APBB2: variants seen among roughly 807,000 people sequenced by gnomAD.
APBB2 encodes the protein Fe65-like 1.
APBB2 carries 38 observed loss-of-function variants against 82.5 expected under a neutral mutation model. That is an observed-to-expected ratio of 0.46 (90% CI 0.36 to 0.60). The LOEUF is 0.60. APBB2 is among the 20% of genes least tolerant of loss of function. The pLI is 0.00. For synonymous variants in APBB2, 341 were observed against 368.2 expected (o/e 0.93, Z 0.85); for missense variants, 772 against 972.3 (o/e 0.79, Z 2.74).
chr4:41,062,102 T>C (rs1392656137), intron 4 of APBB2, among the ~76,000 whole-genome samples: 1 of 152,220 alleles, frequency 6.6e-6, no homozygotes, highest in Non-Finnish European at 1.5e-5. Flanking sequence ...TTAACATTTC[T>C]TTCTGCTATG....
intron 6 of APBB2, among the ~76,000 whole-genome samples, chr4:40,994,576 G>A (rs1347462561): frequency 6.6e-6 from 1 of 152,094 alleles, no homozygotes; most frequent in Admixed American, 6.5e-5. Context: ...CACTTTGGGA[G>A]GGTGAGGTGG....
chr4:40,929,925 G>A (rs1369904084), intron 10 of APBB2, among the ~76,000 whole-genome samples: 2 of 152,112 alleles, frequency 1.3e-5, no homozygotes, highest in African/African-American at 4.8e-5. Context: ...CTCCTCCTAT[G>A]GATACTGGTG....
At position 40,877,412 on chromosome 4, in the gene APBB2, C is replaced by T. The variant is rs115964419; in HGVS notation, c.1529+12952G>A. ...TGCTGTTTATGGACTTAGGGGATGACGTGTGCCCTCTCATCCTTGTTCCCA... is the reference window on the plus strand; with the variant it reads ...TGCTGTTTATGGACTTAGGGGATGATGTGTGCCCTCTCATCCTTGTTCCCA... On this transcript the variant is annotated intron_variant, in intron 12 of 17. Transcript: ENST00000508593. 3.8e-3 allele frequency among the ~76,000 whole-genome samples: 586 copies of T among 152,226 alleles called. 3 individuals carry two copies. The highest frequency in any genetic ancestry group is 0.013 in the African/African-American group (558 of 41,526).
chr4:41,200,686 T>C (rs943542680), intron 1 of APBB2, among the ~76,000 whole-genome samples: 4 of 152,152 alleles, frequency 2.6e-5, no homozygotes, highest in Non-Finnish European at 5.9e-5. Context: ...TGTCACTCTA[T>C]AGAGCATGTA....
intron 2 of APBB2, among the ~76,000 whole-genome samples, chr4:41,124,410 G>A (rs764455522): frequency 7.9e-5 from 12 of 152,064 alleles, no homozygotes; most frequent in Non-Finnish European, 1.6e-4. Context: ...AGTAGAGACC[G>A]TGTTAGCCAG....
chr4:40,899,129 T>A (rs1774546870), intron 10 of APBB2, among the ~76,000 whole-genome samples: 1 of 152,230 alleles, frequency 6.6e-6, no homozygotes, highest in African/African-American at 2.4e-5. Flanking sequence ...GTGAGTTAGT[T>A]AACCTGTCTG....
At chr4:41,071,660 G>A (rs185370048) in intron 3 of APBB2, among the ~76,000 whole-genome samples, 1 of 152,104 alleles carries the variant, frequency 6.6e-6, no homozygotes, top group African/African-American at 2.4e-5. Flanking sequence ...CAGCCTGGGT[G>A]ACAGAGCGAG....
intron 1 of APBB2, among the ~76,000 whole-genome samples, chr4:41,191,068 TCACA>T (rs952438782): frequency 1.6e-4 from 25 of 152,124 alleles, no homozygotes; most frequent in African/African-American, 5.8e-4. Flanking sequence ...CGGAGTCAGG[TCACA>T]CCCAAGAGGT....
chr4:40,910,682 T>A (rs1778310809), intron 10 of APBB2, among the ~76,000 whole-genome samples: 1 of 152,252 alleles, frequency 6.6e-6, no homozygotes, highest in East Asian at 1.9e-4. Flanking sequence ...GCCCCGGATG[T>A]GCCACATGCT....
At chr4:41,191,982 AT>A (rs1413655835) in intron 1 of APBB2, among the ~76,000 whole-genome samples, 5 of 152,194 alleles carry the variant, frequency 3.3e-5, no homozygotes, top group Admixed American at 3.3e-4. Context: ...CTGGATAGAC[AT>A]TTTTCCTAAA....
intron 6 of APBB2, among the ~76,000 whole-genome samples, chr4:40,960,446 GGTTTTTTTTTT>G (rs1169350772): frequency 1.7e-5 from 2 of 120,544 alleles, no homozygotes; most frequent in Admixed American, 1.9e-4. Flanking sequence ...TTTTTTTTCG[GGTTTTTTTTTT>G]TTTTTTTTGA....
At chr4:40,908,380 T>C (rs1400254191) in intron 10 of APBB2, among the ~76,000 whole-genome samples, 2 of 152,138 alleles carry the variant, frequency 1.3e-5, no homozygotes, top group African/African-American at 4.8e-5. Context: ...CATGAGCATA[T>C]GGCAGAGCTG....
In APBB2 at chr4:40,938,066, C is replaced by T. The variant is rs116082789; in HGVS notation, c.1045-2927G>A. 4.7e-3 allele frequency among the ~76,000 whole-genome samples: 714 copies of T among 152,318 alleles called. 10 individuals are homozygous for T. The highest frequency in any genetic ancestry group is 0.016 in the African/African-American group (684 of 41,568). ...CAATATGCCTCAGGTAAGACAAACA[C>T]AAAGATGGGGAAAGAGGTGGTAACG... On this transcript the variant is annotated intron_variant, in intron 7 of 17. Transcript: ENST00000508593.
chr4:40,958,094 C>T (rs1792162628), intron 6 of APBB2, among the ~76,000 whole-genome samples: 1 of 152,150 alleles, frequency 6.6e-6, no homozygotes. Context: ...AAATATTCAA[C>T]CATCCATCGG....
intron 1 of APBB2, among the ~76,000 whole-genome samples, chr4:41,194,840 T>C: frequency 6.6e-6 from 1 of 152,080 alleles, no homozygotes; most frequent in African/African-American, 2.4e-5. Flanking sequence ...CACTCACTCG[T>C]TTTTCTTTTT....
At chr4:41,120,229 C>T (rs1353976361) in intron 2 of APBB2, among the ~76,000 whole-genome samples, 1 of 152,168 alleles carries the variant, frequency 6.6e-6, no homozygotes, top group Non-Finnish European at 1.5e-5. Context: ...TCTTGTCATC[C>T]ATGGAGGTTC....
chr4:40,943,944 C>T (rs1378916720), intron 7 of APBB2, among the ~76,000 whole-genome samples: 2 of 152,224 alleles, frequency 1.3e-5, no homozygotes, highest in Non-Finnish European at 2.9e-5. Context: ...CAGAGAAGAA[C>T]AAGTACATAA....
intron 6 of APBB2, among the ~76,000 whole-genome samples, chr4:40,949,956 G>A (rs1789623096): frequency 6.6e-6 from 1 of 152,162 alleles, no homozygotes; most frequent in Non-Finnish European, 1.5e-5. Context: ...CTTAGGGGGT[G>A]AGATTCGGCA....
intron 10 of APBB2, among the ~76,000 whole-genome samples, chr4:40,906,388 G>C (rs1258037217): frequency 7.0e-6 from 1 of 142,916 alleles, no homozygotes; most frequent in Non-Finnish European, 1.5e-5. Context: ...AGAATGGCTT[G>C]ACTGGGAGGC....
Sources: allele counts gnomAD v4.1 joint callset (sites outside exome capture counted in the v4.1 genomes callset), GRCh38; gene constraint gnomAD v4.1.1; transcripts MANE v1.5; gene names NCBI Gene and HGNC (gene_info 2026-07-23, HGNC 2026-07-21).